The following PRH1 variants were observed in gnomAD, a reference collection of about 807,000 sequenced individuals.
The protein encoded by PRH1 is salivary acidic proline-rich phosphoprotein 1/2.
Under a neutral mutation model 7.9 loss-of-function variants are expected in PRH1, and 7 were observed. The observed-to-expected ratio is 0.89, with a 90% CI of 0.50 to 1.67. PRH1 has a LOEUF of 1.67. Ranked by LOEUF, PRH1 falls within the 40% of genes most tolerant of loss-of-function variation. The pLI is 0.00. For missense variants in PRH1, 109 were observed against 223.6 expected (o/e 0.49, Z 3.27); for synonymous variants, 45 against 80.8 (o/e 0.56, Z 2.38).
chr12:11,054,236 C>A (rs901735750), intron 1 of PRH1, among the ~76,000 whole-genome samples: 1 of 152,114 alleles, frequency 6.6e-6, no homozygotes. Flanking sequence ...TTTTCTTTTA[C>A]CACATTCTAA....
rs1052087334 is a variant in PRH1, at chr12:11,075,974, T to G, written n.124-28786A>C. Among the ~76,000 whole-genome samples the G allele has an allele frequency of 3.3e-5, 4 of 120,736 alleles. 1 individual carries two copies. 79.2% of individuals were successfully genotyped at this position (120,736 alleles called of 152,430 possible). On this transcript the variant is annotated intron_variant and non_coding_transcript_variant, in intron 1 of 4. Transcript: ENST00000541977. Reference sequence around the variant, plus strand: ...CAGACAAAGCAAGACAGATATGACCTCTCTTTTTATGGTGATTACATTGTA... The same window carrying G: ...CAGACAAAGCAAGACAGATATGACCGCTCTTTTTATGGTGATTACATTGTA...
intron 1 of PRH1, among the ~76,000 whole-genome samples, chr12:11,144,990 G>C (rs541608125): frequency 6.6e-6 from 1 of 152,294 alleles, no homozygotes; most frequent in Non-Finnish European, 1.5e-5. Flanking sequence ...CAGAGGATCT[G>C]TGGGTCCTCT....
upstream of PRH1, chr12:11,171,590 G>A (rs1422628598): frequency 1.6e-5 from 20 of 1,227,850 alleles, no homozygotes; most frequent in East Asian, 6.3e-5. Flanking sequence ...ACGGCCTCCG[G>A]GGCCAGCATG....
chr12:11,054,025 TGGCCA>T (rs1943258454), intron 1 of PRH1, among the ~76,000 whole-genome samples: 1 of 152,140 alleles, frequency 6.6e-6, no homozygotes, highest in Admixed American at 6.5e-5. Flanking sequence ...TTCACTATAT[TGGCCA>T]GGCTGGTCTG....
At chr12:10,928,828 T>C (rs1185444305) in intron 2 of PRH1, among the ~76,000 whole-genome samples, 1 of 152,132 alleles carries the variant, frequency 6.6e-6, no homozygotes, top group East Asian at 1.9e-4. Context: ...ATATTGACCG[T>C]CTTCACTGTT....
chr12:11,133,079 C>A (rs1363613337), intron 1 of PRH1: 4 of 586,454 alleles, frequency 6.8e-6, no homozygotes, highest in African/African-American at 3.9e-5. Flanking sequence ...TGTGAAAAAA[C>A]AATAAAAAGC....
intron 1 of PRH1, among the ~76,000 whole-genome samples, chr12:11,063,716 C>G (rs2708377): frequency 2.0e-5 from 3 of 151,850 alleles, no homozygotes; most frequent in African/African-American, 7.3e-5. Context: ...AAAGCAAAAA[C>G]AGATGGGAAA....
chr12:10,935,480 C>T (rs1007093044), intron 2 of PRH1, among the ~76,000 whole-genome samples: 10 of 152,166 alleles, frequency 6.6e-5, no homozygotes, highest in South Asian at 4.1e-4. Flanking sequence ...TAATCCCACA[C>T]AGCAGCCTCT....
Position 11,062,283 on chromosome 12 carries a change from A to C in PRH1, n.124-15095T>G, listed in dbSNP as rs756341618. Reference sequence around the variant, plus strand: ...TTAGAATGGAAAAAATGATGGGCAGAAAAGTTATCATGTCTGAACAGACAA... The same window carrying C: ...TTAGAATGGAAAAAATGATGGGCAGCAAAGTTATCATGTCTGAACAGACAA... On this transcript the variant is annotated intron_variant and non_coding_transcript_variant, in intron 1 of 4. Transcript: ENST00000541977. 2.8e-5 allele frequency: 45 copies of C among 1,611,578 alleles called. No homozygotes were observed. In the Middle Eastern group the frequency reaches 9.9e-4, roughly 36 times the overall value.
rs561759868 is a variant in PRH1, at chr12:10,917,830, T to C, written c.-58-33555A>G. 2.0e-5 allele frequency among the ~76,000 whole-genome samples: 3 copies of C among 152,346 alleles called. No individual in the cohort carries two copies. The South Asian group carries it at 6.2e-4, about 32-fold the overall frequency. ...GAATTCGTGTTCATGGAAATGTTTCTGCAAGACTGAGTGGTCACAGTGTCA... is the reference window on the plus strand; with the variant it reads ...GAATTCGTGTTCATGGAAATGTTTCCGCAAGACTGAGTGGTCACAGTGTCA... On this transcript the variant is annotated intron_variant, in intron 2 of 3. Coordinates refer to the PRH1 transcript ENST00000539853.
At chr12:11,000,100 C>A (rs1298381382) in intron 1 of PRH1, among the ~76,000 whole-genome samples, 2 of 152,034 alleles carry the variant, frequency 1.3e-5, no homozygotes, top group African/African-American at 4.8e-5. Context: ...TTCAAATTAT[C>A]CTCACAGACA....
intron 1 of PRH1, among the ~76,000 whole-genome samples, chr12:11,108,518 T>C (rs2597957): frequency 0.45 from 69,054 of 151,818 alleles, 16,498 homozygotes; most frequent in Non-Finnish European, 0.53. Context: ...CCACGGAGGA[T>C]GAGCCGAAGG....
intron 1 of PRH1, among the ~76,000 whole-genome samples, chr12:11,103,685 A>G (rs1271706167): frequency 6.6e-6 from 1 of 152,040 alleles, no homozygotes; most frequent in Non-Finnish European, 1.5e-5. Flanking sequence ...CTTAAAGTAA[A>G]ATAAAAATAA....
upstream of PRH1, among the ~76,000 whole-genome samples, chr12:10,887,470 AT>A (rs1004046759): frequency 2.3e-4 from 35 of 152,082 alleles, no homozygotes; most frequent in African/African-American, 8.4e-4. Context: ...ATATTTTTAA[AT>A]TTGATGTTAG....
chr12:11,112,700 A>C (rs1945623939), intron 1 of PRH1, among the ~76,000 whole-genome samples: 1 of 152,126 alleles, frequency 6.6e-6, no homozygotes, highest in Admixed American at 6.5e-5. Flanking sequence ...CAATATACTG[A>C]ATGGGCAAAA....
chr12:10,930,557 G>T (rs1040678494), intron 2 of PRH1: 7 of 1,550,244 alleles, frequency 4.5e-6, no homozygotes, highest in Non-Finnish European at 6.1e-6. Context: ...GAGTTGAGAG[G>T]CAGGTCAGGG....
At chr12:11,026,631 G>A (rs1941931181) in intron 1 of PRH1, among the ~76,000 whole-genome samples, 1 of 152,024 alleles carries the variant, frequency 6.6e-6, no homozygotes, top group Admixed American at 6.6e-5. Context: ...GAAAGTTACA[G>A]GGGATGGTAG....
chr12:11,098,246 T>C (rs540084085), intron 1 of PRH1, among the ~76,000 whole-genome samples: 14 of 150,456 alleles, frequency 9.3e-5, no homozygotes, highest in Non-Finnish European at 1.3e-4. Flanking sequence ...TTAAATTCTA[T>C]ATGCACCTAA....
chr12:11,128,193 A>T (rs913801470), intron 1 of PRH1, among the ~76,000 whole-genome samples: 2 of 152,044 alleles, frequency 1.3e-5, no homozygotes, highest in Non-Finnish European at 2.9e-5. Context: ...CATGTTTTCC[A>T]TAGAAGAATT....
Sources: gnomAD v4.1 joint callset for allele counts (sites outside exome capture counted in the v4.1 genomes callset) on GRCh38, gnomAD v4.1.1 for gene constraint, MANE v1.5 for transcripts, NCBI Gene and HGNC (gene_info 2026-07-23, HGNC 2026-07-21) for gene names.